Variants in SPTLC3 observed in about 807,000 individuals in gnomAD.
The protein encoded by SPTLC3 is serine palmitoyltransferase long chain base subunit 3, also known as serine palmitoyltransferase 3.
Under a neutral mutation model 59.3 loss-of-function variants are expected in SPTLC3, and 36 were observed. The observed-to-expected ratio is 0.61, with a 90% CI of 0.47 to 0.80. SPTLC3 has a LOEUF of 0.80. Ranked by LOEUF, SPTLC3 falls within the 30% of genes least tolerant of loss-of-function variation. SPTLC3 has a pLI of 0.00. For synonymous variants in SPTLC3, 257 were observed against 240.8 expected (o/e 1.07, Z -0.62); for missense variants, 625 against 685.1 (o/e 0.91, Z 0.98).
chr20:13,015,261 A>G (rs2122364441), intron 1 of SPTLC3, among the ~76,000 whole-genome samples: 1 of 152,350 alleles, frequency 6.6e-6, no homozygotes, highest in South Asian at 2.1e-4. Context: ...CTCAAGCAAG[A>G]TGAAAAACCA....
chr20:13,058,333 A>T (rs1442119206), intron 2 of SPTLC3, among the ~76,000 whole-genome samples: 2 of 152,206 alleles, frequency 1.3e-5, no homozygotes, highest in East Asian at 3.8e-4. Flanking sequence ...CAAAACAGAC[A>T]GCCCAGGCAC....
At chr20:13,125,819 A>G (rs1046390989) in intron 8 of SPTLC3, among the ~76,000 whole-genome samples, 1 of 152,224 alleles carries the variant, frequency 6.6e-6, no homozygotes, top group Non-Finnish European at 1.5e-5. Context: ...TCTGCCATAT[A>G]TTACTGAACA....
intron 1 of SPTLC3, among the ~76,000 whole-genome samples, chr20:13,010,809 T>C (rs922480385): frequency 4.6e-5 from 7 of 152,234 alleles, no homozygotes; most frequent in Non-Finnish European, 1.0e-4. Context: ...GATTCCTTCT[T>C]AACTTTTCTC....
intron 2 of SPTLC3, among the ~76,000 whole-genome samples, chr20:13,058,010 C>G (rs1015862372): frequency 2.6e-5 from 4 of 152,036 alleles, no homozygotes; most frequent in Admixed American, 2.6e-4. Context: ...CTGCAAAATC[C>G]GATATAACAT....
At chr20:13,065,565 T>G (rs6134766) in intron 2 of SPTLC3, among the ~76,000 whole-genome samples, 62,058 of 151,762 alleles carry the variant, frequency 0.41, 12,792 homozygotes, top group Middle Eastern at 0.57. Flanking sequence ...ATTGCTGTTT[T>G]GATAGGTTAA....
chr20:13,060,283 T>C (rs1987906452), intron 2 of SPTLC3, among the ~76,000 whole-genome samples: 1 of 152,152 alleles, frequency 6.6e-6, no homozygotes, highest in African/African-American at 2.4e-5. Flanking sequence ...CATCTAAGTT[T>C]GGGTGCAAGA....
intron 8 of SPTLC3, 52 bp from the exon 9 acceptor site, chr20:13,126,539 C>A: frequency 6.2e-7 from 1 of 1,602,092 alleles, no homozygotes; most frequent in Admixed American, 1.7e-5. Context: ...ATTCCCACCA[C>A]CAGTGTTGAG....
intron 8 of SPTLC3, among the ~76,000 whole-genome samples, chr20:13,118,421 T>C (rs1427067031): frequency 7.3e-6 from 1 of 137,842 alleles, no homozygotes; most frequent in Non-Finnish European, 1.5e-5. Context: ...CCTGTCATTC[T>C]AGTGCCAATA....
chr20:13,027,515 G>T (rs1169466936), intron 1 of SPTLC3, among the ~76,000 whole-genome samples: 1 of 152,098 alleles, frequency 6.6e-6, no homozygotes, highest in Admixed American at 6.5e-5. Flanking sequence ...GCCTTCAAGG[G>T]CTGGGTGCAG....
Position 13,154,033 on chromosome 20 carries a change from A to T in SPTLC3, c.1310A>T (p.Asn437Ile), listed in dbSNP as rs2038711129. 1.2e-6 allele frequency: 2 copies of T among 1,614,100 alleles called. No individual in the cohort carries two copies. Among genetic ancestry groups the T allele is most frequent in the South Asian group, 2.2e-5 (2 of 91,080 alleles). The change falls in exon 10 of 12, where the codon AAC becomes ATC. Residue 437 changes from asparagine to isoleucine, a missense_variant. Coordinates refer to ENST00000399002, the MANE Select transcript of SPTLC3 (RefSeq NM_018327.4). Reference sequence around the variant, plus strand: ...CAGAGAGTACAGCAACTTGCGAAAAACACAAGATACTTCAGACAAAGACTG... The same window carrying T: ...CAGAGAGTACAGCAACTTGCGAAAATCACAAGATACTTCAGACAAAGACTG... The part of the protein sequence containing the change: ...GLQRVQQLAK[N>I]TRYFRQRLQE...
chr20:13,061,600 A>G (rs570275283), intron 2 of SPTLC3, among the ~76,000 whole-genome samples: 1 of 151,820 alleles, frequency 6.6e-6, no homozygotes, highest in Non-Finnish European at 1.5e-5. Flanking sequence ...GTAAATGGCA[A>G]CTCCACCAGT....
At chr20:13,116,183 C>T (rs927443854) in intron 7 of SPTLC3, among the ~76,000 whole-genome samples, 3 of 152,144 alleles carry the variant, frequency 2.0e-5, no homozygotes, top group African/African-American at 7.2e-5. Context: ...GCCAGCTGGA[C>T]TGTTTTGACT....
chr20:13,016,001 C>A (rs1985511007), intron 1 of SPTLC3, among the ~76,000 whole-genome samples: 1 of 151,706 alleles, frequency 6.6e-6, no homozygotes, highest in South Asian at 2.1e-4. Flanking sequence ...AACCAAAAGG[C>A]AAATTACAGA....
At position 13,143,597 on chromosome 20, in the gene SPTLC3, A is replaced by G. The variant is rs367808577; in HGVS notation, c.1280-10406A>G. ...TGGCTGAGAAGTCATTGTCCTGGGC[A>G]CAAGGCAAAAGTCTGGGGGGCTTCC... is the stretch of plus-strand genomic sequence containing the variant. On this transcript the variant is annotated intron_variant, in intron 9 of 11. Transcript: ENST00000399002. 2.0e-4 allele frequency among the ~76,000 whole-genome samples: 31 copies of G among 152,304 alleles called. 2 individuals are homozygous for G. The highest frequency in any genetic ancestry group is 1.6e-3 in the Admixed American group (25 of 15,306).
chr20:13,086,103 C>T (rs6134779), intron 4 of SPTLC3, among the ~76,000 whole-genome samples: 41,812 of 151,972 alleles, frequency 0.28, 5,907 homozygotes, highest in Middle Eastern at 0.36. Flanking sequence ...TATAACTACG[C>T]TTTCTTAGGA....
intron 9 of SPTLC3, among the ~76,000 whole-genome samples, chr20:13,146,214 G>T (rs2038506258): frequency 6.6e-6 from 1 of 152,128 alleles, no homozygotes; most frequent in South Asian, 2.1e-4. Flanking sequence ...TTATAGGTGG[G>T]AGGTAAATGA....
Position 13,044,737 on chromosome 20 carries a change from A to G in SPTLC3, c.118-4208A>G, listed in dbSNP as rs182840056. Among the ~76,000 whole-genome samples the G allele has an allele frequency of 4.4e-4, 67 of 152,272 alleles. 2 individuals are homozygous for G. Among genetic ancestry groups the G allele is most frequent in the South Asian group, 3.3e-3 (16 of 4,826 alleles). The stretch of plus-strand genomic sequence containing the variant: ...CACTTAATTTTCAAAAGTGACCTTT[A>G]CTAGCCCCACTTAGCACTGGAGACA... On this transcript the variant is annotated intron_variant, in intron 1 of 11. Coordinates refer to ENST00000399002, the MANE Select transcript of SPTLC3 (RefSeq NM_018327.4).
intron 2 of SPTLC3, among the ~76,000 whole-genome samples, chr20:13,070,289 T>C (rs1253701271): frequency 6.6e-6 from 1 of 152,160 alleles, no homozygotes; most frequent in African/African-American, 2.4e-5. Context: ...TATATGCTTA[T>C]GAACATTCTT....
intron 4 of SPTLC3, among the ~76,000 whole-genome samples, chr20:13,082,196 G>C (rs550448460): frequency 5.3e-5 from 8 of 152,220 alleles, no homozygotes; most frequent in Non-Finnish European, 7.4e-5. Flanking sequence ...AGAATTTGTA[G>C]ATCTACCACC....
Sources: allele counts gnomAD v4.1 joint callset (sites outside exome capture counted in the v4.1 genomes callset), GRCh38; gene constraint gnomAD v4.1.1; transcripts MANE v1.5; gene names NCBI Gene and HGNC (gene_info 2026-07-23, HGNC 2026-07-21).